Variants in MTREX observed in about 807,000 individuals in gnomAD.
MTREX encodes the protein Mtr4 exosome RNA helicase.
In MTREX, 76 loss-of-function variants were observed where a neutral mutation model predicts 135.4. The observed-to-expected ratio is 0.56, with a 90% CI of 0.47 to 0.68. The LOEUF (loss-of-function observed/expected upper bound fraction) is 0.68, where lower values mean the gene tolerates loss of function less well. MTREX is among the 30% of genes least tolerant of loss of function. The pLI is 0.00. For missense variants in MTREX, 920 were observed against 1,262.1 expected, an observed-to-expected ratio of 0.73 and a Z score of 4.11; for synonymous variants, 404 against 401.6, an observed-to-expected ratio of 1.01 and a Z score of -0.07.
chr5:55,406,636 A>G (rs925100535), intron 22 of MTREX, among the ~76,000 whole-genome samples: 2 of 152,108 alleles, frequency 1.3e-5, no homozygotes, highest in African/African-American at 4.8e-5. Context: ...GGAAGTGGCT[A>G]TTGTTCAGTA....
intron 1 of MTREX, among the ~76,000 whole-genome samples, chr5:55,312,360 T>G (rs1293281108): frequency 6.6e-6 from 1 of 152,178 alleles, no homozygotes; most frequent in Non-Finnish European, 1.5e-5. Flanking sequence ...GTTTCGTTTC[T>G]GGGTAAATGA....
At chr5:55,325,918 C>T (rs1749370488) in intron 3 of MTREX, among the ~76,000 whole-genome samples, 1 of 152,118 alleles carries the variant, frequency 6.6e-6, no homozygotes, top group Admixed American at 6.5e-5. Context: ...TGATGGCCTC[C>T]AGCTGCATCC....
At chr5:55,392,879 G>A (rs370178874) in intron 19 of MTREX, among the ~76,000 whole-genome samples, 1 of 152,198 alleles carries the variant, frequency 6.6e-6, no homozygotes, top group Admixed American at 6.5e-5. Flanking sequence ...AGGCAGCCAT[G>A]GTGTTAAGCA....
At position 55,335,755 on chromosome 5, in the gene MTREX, A is replaced by G. The variant is rs116164410; in HGVS notation, c.516-4255A>G. Among the ~76,000 whole-genome samples the G allele has an allele frequency of 8.4e-3, 1,275 of 152,196 alleles. 17 individuals carry two copies. The highest frequency in any genetic ancestry group is 0.028 in the African/African-American group (1,175 of 41,558). On this transcript the variant is annotated intron_variant, in intron 5 of 26. Coordinates refer to ENST00000230640, the MANE Select transcript of MTREX (RefSeq NM_015360.5). Reference sequence around the variant, plus strand: ...CACTTCCAGGTCTTTTGTATTTCCAATAGTATTTTAAGATTGGCTTGTGAA... The same window carrying G: ...CACTTCCAGGTCTTTTGTATTTCCAGTAGTATTTTAAGATTGGCTTGTGAA...
intron 10 of MTREX, among the ~76,000 whole-genome samples, chr5:55,346,496 A>G (rs776405358): frequency 6.6e-6 from 1 of 152,206 alleles, no homozygotes; most frequent in African/African-American, 2.4e-5. Context: ...TTTTTCCACG[A>G]TACTTAGTAT....
chr5:55,394,899 G>A (rs538550729), intron 19 of MTREX, among the ~76,000 whole-genome samples: 5 of 152,056 alleles, frequency 3.3e-5, no homozygotes, highest in African/African-American at 1.2e-4. Context: ...CAGGCATGGT[G>A]GCAGGTGCCT....
At chr5:55,423,777 C>G (rs889275009) in intron 26 of MTREX, 1 of 152,088 alleles carries the variant, frequency 6.6e-6, no homozygotes, top group African/African-American at 2.4e-5. Flanking sequence ...TGACTCTTGA[C>G]CAAGAAAAAG....
chr5:55,380,566 A>G (rs1750380211), intron 18 of MTREX, among the ~76,000 whole-genome samples: 2 of 152,156 alleles, frequency 1.3e-5, no homozygotes, highest in Admixed American at 1.3e-4. Flanking sequence ...GTATTCTGAT[A>G]TGATATATTA....
intron 22 of MTREX, among the ~76,000 whole-genome samples, chr5:55,409,609 A>G (rs553300443): frequency 5.6e-4 from 86 of 152,346 alleles, no homozygotes; most frequent in South Asian, 3.7e-3. Context: ...CTCTCAACAA[A>G]ATCAAGTTGT....
At chr5:55,313,036 A>T (rs1172756815) in intron 1 of MTREX, among the ~76,000 whole-genome samples, 1 of 152,162 alleles carries the variant, frequency 6.6e-6, no homozygotes, top group Non-Finnish European at 1.5e-5. Context: ...CTTTGTTTTT[A>T]TAAAAAATAG....
intron 14 of MTREX, among the ~76,000 whole-genome samples, chr5:55,354,343 A>G (rs1579865536): frequency 1.3e-5 from 2 of 152,204 alleles, no homozygotes; most frequent in East Asian, 3.8e-4. Context: ...TGCTAAGCAG[A>G]CAGTAGAATA....
chr5:55,422,873 TC>T lies in MTREX; in HGVS notation c.2972-3del. ...TTACCAGTGTTTTGTTCCTTTTCTA[TC>T]CAGGCAGCATAATTCGTTGTATGAG... On this transcript the variant is annotated splice_polypyrimidine_tract_variant and splice_region_variant and intron_variant, in intron 25 of 26. Coordinates refer to ENST00000230640, the MANE Select transcript of MTREX (RefSeq NM_015360.5). 1 of 1,609,182 alleles carries T rather than the reference TC, an allele frequency of 6.2e-7. No homozygotes were observed. The highest frequency in any genetic ancestry group is 2.2e-5 in the East Asian group (1 of 44,862).
chr5:55,409,762 A>C lies in MTREX; in HGVS notation c.2646-762A>C, dbSNP rs78476716. ...CAGACGTAGTGATGAGCTAGTACCT[A>C]CCTGTTAGAGATGTACTTGAAATCT... On this transcript the variant is annotated intron_variant, in intron 22 of 26. Transcript: ENST00000230640. 4.6e-3 allele frequency among the ~76,000 whole-genome samples: 697 copies of C among 152,350 alleles called. 6 individuals carry two copies. The highest frequency in any genetic ancestry group is 0.016 in the African/African-American group (663 of 41,580).
chr5:55,379,837 T>C (rs1750365328), intron 18 of MTREX, among the ~76,000 whole-genome samples: 1 of 152,244 alleles, frequency 6.6e-6, no homozygotes, highest in African/African-American at 2.4e-5. Context: ...ACTCATTCCA[T>C]AACTTGTTTG....
intron 11 of MTREX, among the ~76,000 whole-genome samples, chr5:55,348,123 A>G (rs1381332866): frequency 6.6e-6 from 1 of 152,198 alleles, no homozygotes; most frequent in African/African-American, 2.4e-5. Flanking sequence ...TTTATTTCTT[A>G]TAGTTTGAGA....
intron 16 of MTREX, among the ~76,000 whole-genome samples, chr5:55,369,734 C>A (rs926586561): frequency 2.6e-5 from 4 of 152,098 alleles, no homozygotes; most frequent in African/African-American, 4.8e-5. Context: ...CCGAGAAAGT[C>A]ATTTAAAATA....
intron 16 of MTREX, among the ~76,000 whole-genome samples, chr5:55,368,892 A>T (rs1300603562): frequency 6.6e-6 from 1 of 152,192 alleles, no homozygotes; most frequent in East Asian, 1.9e-4. Context: ...CCATAAGCAG[A>T]TTTTTGAATT....
At chr5:55,392,291 C>T (rs1375225352) in intron 19 of MTREX, among the ~76,000 whole-genome samples, 1 of 152,094 alleles carries the variant, frequency 6.6e-6, no homozygotes, top group Non-Finnish European at 1.5e-5. Context: ...ATGCCATAAT[C>T]CCAGCACTTT....
In MTREX at chr5:55,346,495, G is replaced by A. The variant is rs575617529; in HGVS notation, c.1109-518G>A. Among the ~76,000 whole-genome samples, 16 of 152,214 alleles carry A rather than the reference G, an allele frequency of 1.1e-4. No individual in the cohort carries two copies. In the South Asian group the frequency reaches 1.5e-3, roughly 14 times the overall value. On this transcript the variant is annotated intron_variant, in intron 10 of 26. Transcript: ENST00000230640. ...ATTTTTTCACATATAATTTTTCCAC[G>A]ATACTTAGTATTGTATGTCTGATTA...
Sources: gnomAD v4.1 joint callset for allele counts (sites outside exome capture counted in the v4.1 genomes callset) on GRCh38, gnomAD v4.1.1 for gene constraint, MANE v1.5 for transcripts, NCBI Gene and HGNC (gene_info 2026-07-23, HGNC 2026-07-21) for gene names.